Variants in KATNBL1 observed in about 807,000 individuals in gnomAD.
KATNBL1 encodes the protein katanin regulatory subunit B1 like 1.
In KATNBL1, 28 loss-of-function variants were observed where a neutral mutation model predicts 44.7. That is an observed-to-expected ratio of 0.63 (90% confidence interval 0.46 to 0.86). KATNBL1 has a LOEUF of 0.86. Ranked by LOEUF, KATNBL1 falls within the 40% of genes least tolerant of loss-of-function variation. KATNBL1 has a pLI of 0.00. For missense variants in KATNBL1, 272 were observed against 350.7 expected (o/e 0.78, Z 1.79); for synonymous variants, 78 against 114.9 (o/e 0.68, Z 2.06).
At chr15:34,172,603 A>G (rs968349988) in intron 1 of KATNBL1, among the ~76,000 whole-genome samples, 1 of 152,156 alleles carries the variant, frequency 6.6e-6, no homozygotes, top group Non-Finnish European at 1.5e-5. Context: ...AAGTTTACAT[A>G]CTAAATGTTG....
chr15:34,153,693 C>T (rs749813150), intron 3 of KATNBL1, among the ~76,000 whole-genome samples: 2 of 152,064 alleles, frequency 1.3e-5, no homozygotes, highest in Non-Finnish European at 2.9e-5. Context: ...GCCTCAGCCT[C>T]CTGAGTAGCT....
chr15:34,197,318 A>G (rs1890052947), intron 1 of KATNBL1, among the ~76,000 whole-genome samples: 1 of 152,228 alleles, frequency 6.6e-6, no homozygotes, highest in Admixed American at 6.6e-5. Context: ...ACCTGGGTTT[A>G]AGTCCTGTTT....
chr15:34,169,363 ACG>A lies in KATNBL1; in HGVS notation c.-14-5675_-14-5674del, dbSNP rs1189967502. On this transcript the variant is annotated intron_variant, in intron 1 of 9. Coordinates refer to ENST00000256544, the MANE Select transcript of KATNBL1 (RefSeq NM_024713.3). ...AGAAGAAATGGATAAATTCCTGGAT[ACG>A]TACACCCTCCCAAGACTAAACCAGG... is the stretch of plus-strand genomic sequence containing the variant. 1.3e-4 allele frequency among the ~76,000 whole-genome samples: 20 copies of A among 152,350 alleles called. No homozygotes were observed. The East Asian group carries it at 3.5e-3, about 26-fold the overall frequency.
At chr15:34,191,434 A>C (rs1889869805) in intron 1 of KATNBL1, among the ~76,000 whole-genome samples, 1 of 151,972 alleles carries the variant, frequency 6.6e-6, no homozygotes, top group Non-Finnish European at 1.5e-5. Context: ...TTCATTTCTC[A>C]TGGGTAAATA....
In KATNBL1 at chr15:34,153,069, T is replaced by G. The variant is rs1888532963; in HGVS notation, c.159A>C (p.Arg53Ser). 6.3e-7 allele frequency: 1 copy of G among 1,579,086 alleles called. No homozygotes were observed. Among genetic ancestry groups the G allele is most frequent in the Non-Finnish European group, 8.6e-7 (1 of 1,165,016 alleles). ...SPKQLAAYIN[R>S]TVGQTVKSPD... is the part of the protein sequence containing the mutation. The stretch of plus-strand genomic sequence containing the variant: ...GGCTTTTCACAGTTTGTCCAACTGT[T>G]CTGTAAAAAGAATTTATTTTCTTAA... The change falls in exon 4 of 10, where the codon AGA (arginine) becomes AGC (serine). Residue 53 changes from arginine to serine, a missense_variant and splice_region_variant. Around this residue, in one of 3 missense-constraint regions of KATNBL1, gnomAD observed 122 missense variants for 125.0 expected, o/e 0.98. Transcript: ENST00000256544.
intron 9 of KATNBL1, among the ~76,000 whole-genome samples, chr15:34,144,075 A>T (rs1597421054): frequency 6.8e-6 from 1 of 148,024 alleles, no homozygotes; most frequent in East Asian, 2.0e-4. Flanking sequence ...TATCTGAGAA[A>T]TTTTTTTTTT....
At chr15:34,191,183 A>G (rs1597458586) in intron 1 of KATNBL1, among the ~76,000 whole-genome samples, 1 of 103,846 alleles carries the variant, frequency 9.6e-6, no homozygotes, top group Non-Finnish European at 2.0e-5. Context: ...ATATATATAT[A>G]TATATTTGGT....
chr15:34,180,487 C>T (rs1051568151), intron 1 of KATNBL1, among the ~76,000 whole-genome samples: 1 of 145,156 alleles, frequency 6.9e-6, no homozygotes, highest in Non-Finnish European at 1.5e-5. Context: ...GGTTCCTTTT[C>T]CTCCAGCAGC....
At chr15:34,195,360 G>GC (rs1890000139) in intron 1 of KATNBL1, among the ~76,000 whole-genome samples, 1 of 152,164 alleles carries the variant, frequency 6.6e-6, no homozygotes. Context: ...GACAAATACT[G>GC]CATGTCCTCA....
At chr15:34,173,774 T>C (rs1215962554) in intron 1 of KATNBL1, among the ~76,000 whole-genome samples, 2 of 152,152 alleles carry the variant, frequency 1.3e-5, no homozygotes, top group Non-Finnish European at 2.9e-5. Flanking sequence ...AACTGGGGAA[T>C]AGTTAGAAGG....
intron 8 of KATNBL1, 129 bp from the exon 9 acceptor site, chr15:34,145,620 T>A: frequency 1.2e-6 from 1 of 844,330 alleles, no homozygotes; most frequent in East Asian, 4.2e-5. Context: ...TGATGCTATT[T>A]GAAATAAAAC....
rs554136779 is a variant in KATNBL1 at position 34,142,087 on chromosome 15, A to C, written c.*252T>G. ...ACCATATAACTCCCAAATGCAGCAAAGGTGAACAATCTTCATAGTGCACTT... is the reference window on the plus strand; with the variant it reads ...ACCATATAACTCCCAAATGCAGCAACGGTGAACAATCTTCATAGTGCACTT... On this transcript the variant is annotated 3_prime_UTR_variant, in exon 10 of 10. Coordinates refer to ENST00000256544, the MANE Select transcript of KATNBL1 (RefSeq NM_024713.3). 9.8e-5 allele frequency: 32 copies of C among 327,398 alleles called. No homozygotes were observed. Among genetic ancestry groups the C allele is most frequent in the Admixed American group, 7.5e-4 (15 of 19,898 alleles). 20.3% of individuals were successfully genotyped at this position (327,398 alleles called of 1,614,324 possible).
chr15:34,169,659 T>C (rs1252563456), intron 1 of KATNBL1, among the ~76,000 whole-genome samples: 1 of 152,070 alleles, frequency 6.6e-6, no homozygotes, highest in Admixed American at 6.5e-5. Context: ...TAGACCAATA[T>C]CCCTGATGAA....
At chr15:34,169,931 T>A (rs528246919) in intron 1 of KATNBL1, among the ~76,000 whole-genome samples, 2 of 152,218 alleles carry the variant, frequency 1.3e-5, no homozygotes, top group Admixed American at 6.6e-5. Context: ...TACTGAAGAA[T>A]CATATCTCAA....
chr15:34,174,424 A>G (rs183622604), intron 1 of KATNBL1, among the ~76,000 whole-genome samples: 40 of 152,344 alleles, frequency 2.6e-4, no homozygotes, highest in Non-Finnish European at 4.4e-5. Flanking sequence ...GGGAAACCAA[A>G]GAACAGAGAG....
chr15:34,191,880 G>A (rs970510222), intron 1 of KATNBL1, among the ~76,000 whole-genome samples: 4 of 148,714 alleles, frequency 2.7e-5, no homozygotes, highest in Non-Finnish European at 5.9e-5. Flanking sequence ...CTGGGAGGCA[G>A]AGCTTGCAGT....
At chr15:34,155,390 C>G (rs1888607581) in intron 2 of KATNBL1, among the ~76,000 whole-genome samples, 1 of 152,140 alleles carries the variant, frequency 6.6e-6, no homozygotes. Flanking sequence ...TGTCTTTGGA[C>G]TAGCCCACGG....
Position 34,153,038 on chromosome 15 carries a change from T to C in KATNBL1, c.190A>G (p.Lys64Glu), listed in dbSNP as rs569049326. 2.4e-4 allele frequency: 395 copies of C among 1,612,250 alleles called. 2 individuals carry two copies. In the South Asian group the frequency reaches 3.8e-3, roughly 15 times the overall value. Residue 64 changes from lysine to glutamate, a missense_variant, in exon 4 of 10, where the codon AAA (lysine) becomes GAA (glutamate). By Grantham distance (56) the Lys-to-Glu change is moderately conservative. Around this residue, in one of 3 missense-constraint regions of KATNBL1, gnomAD observed 122 missense variants for 125.0 expected, o/e 0.98. Transcript: ENST00000256544. The stretch of plus-strand genomic sequence containing the variant: ...CTGCGATAGATCACTTTACGAAGTT[T>C]ATCTGGGCTTTTCACAGTTTGTCCA... ...TVGQTVKSPD[K>E]LRKVIYRRKK... is the part of the protein sequence containing the mutation.
intron 1 of KATNBL1, among the ~76,000 whole-genome samples, chr15:34,172,239 C>A (rs966206623): frequency 7.7e-5 from 11 of 142,952 alleles, no homozygotes; most frequent in Admixed American, 1.5e-4. Context: ...AAACAGAGTC[C>A]TTGGGAGGAA....
Sources: allele counts gnomAD v4.1 joint callset (sites outside exome capture counted in the v4.1 genomes callset), GRCh38; gene constraint gnomAD v4.1.1; regional missense constraint gnomAD v4.1.1; transcripts MANE v1.5; gene names NCBI Gene and HGNC (gene_info 2026-07-23, HGNC 2026-07-21).